HNF1B: variants seen among roughly 807,000 people sequenced by gnomAD.
The protein encoded by HNF1B is HNF1 homeobox B.
Under a neutral mutation model 61.7 loss-of-function variants are expected in HNF1B, and 8 were observed. The ratio of observed to expected loss-of-function variants is 0.13; its 90% CI spans 0.08 to 0.23. The LOEUF is 0.23. Ranked by LOEUF, HNF1B falls within the 10% of genes least tolerant of loss-of-function variation. The pLI is 1.00. For synonymous variants in HNF1B, 314 were observed against 287.7 expected (o/e 1.09, Z -0.93); for missense variants, 562 against 714.5 (o/e 0.79, Z 2.43).
intron 1 of HNF1B, among the ~76,000 whole-genome samples, chr17:37,742,265 C>T (rs1328647149): frequency 1.3e-5 from 2 of 152,244 alleles, no homozygotes; most frequent in East Asian, 1.9e-4. Context: ...TTTCTAGACG[C>T]CCCCGGCGCA....
intron 2 of HNF1B, among the ~76,000 whole-genome samples, chr17:37,737,830 G>A (rs896296943): frequency 1.1e-4 from 17 of 152,000 alleles, no homozygotes; most frequent in East Asian, 3.8e-4. Context: ...GCGAGACCCC[G>A]TCTCAAAAAG....
At chr17:37,713,576 C>T (rs1404805981) in intron 4 of HNF1B, among the ~76,000 whole-genome samples, 6 of 152,218 alleles carry the variant, frequency 3.9e-5, no homozygotes, top group Non-Finnish European at 7.3e-5. Flanking sequence ...GACCTTTGAA[C>T]GTTCCTTTAA....
At chr17:37,744,504 G>T (rs1270463861) in intron 1 of HNF1B, 37 bp downstream of exon 1, 1 of 1,592,782 alleles carries the variant, frequency 6.3e-7, no homozygotes, top group Non-Finnish European at 8.5e-7. Flanking sequence ...GGCTCCAGGG[G>T]TTCGGGTGGG....
At chr17:37,733,449 A>T in intron 3 of HNF1B, 108 bp downstream of exon 3, 1 of 1,265,058 alleles carries the variant, frequency 7.9e-7, no homozygotes, top group Non-Finnish European at 1.2e-6. Context: ...GCTCTGATTT[A>T]GCCACACTTA....
chr17:37,721,309 G>C (rs896092226), intron 4 of HNF1B, among the ~76,000 whole-genome samples: 1 of 152,140 alleles, frequency 6.6e-6, no homozygotes, highest in Non-Finnish European at 1.5e-5. Context: ...TTCCTGAAAC[G>C]GGGAAGGAGC....
intron 4 of HNF1B, among the ~76,000 whole-genome samples, chr17:37,727,561 T>C (rs1345077845): frequency 6.6e-5 from 10 of 152,126 alleles, no homozygotes; most frequent in East Asian, 5.8e-4. Flanking sequence ...TGGTGTGTGA[T>C]TGTAAAGCCA....
Position 37,720,412 on chromosome 17 carries a change from G to A in HNF1B, c.1046-9749C>T, listed in dbSNP as rs371938585. Among the ~76,000 whole-genome samples the A allele has an allele frequency of 8.5e-5, 13 of 152,136 alleles. No homozygotes were observed. The South Asian group carries it at 1.0e-3, about 12-fold the overall frequency. ...AAACTTTCTGGTAACATTAAATGTC[G>A]ACATTAATTTGTGAACTGTATACTT... On this transcript the variant is annotated intron_variant, in intron 4 of 8. Transcript: ENST00000617811.
intron 4 of HNF1B, chr17:37,720,688 G>T: frequency 1.6e-6 from 1 of 608,458 alleles, no homozygotes; most frequent in Non-Finnish European, 2.1e-6. Context: ...TCTACCATGT[G>T]CCAGGCACAG....
Position 37,696,222 on chromosome 17 carries a change from T to C in HNF1B, c.1653+2854A>G, listed in dbSNP as rs1216928225. 2.0e-5 allele frequency among the ~76,000 whole-genome samples: 3 copies of C among 152,074 alleles called. No individual in the cohort carries two copies. In the East Asian group the frequency reaches 5.8e-4, roughly 29 times the overall value. The stretch of plus-strand genomic sequence containing the variant: ...CACTTTGGGAGGCCAAGGCAGGCAG[T>C]TCACTTGAGCGCAGGAGTTTGAGAC... On this transcript the variant is annotated intron_variant, in intron 8 of 8. Coordinates refer to ENST00000617811, the MANE Select transcript of HNF1B (RefSeq NM_000458.4).
rs867521407 is a variant in HNF1B at position 37,716,001 on chromosome 17, A to G, written c.1046-5338T>C. On this transcript the variant is annotated intron_variant, in intron 4 of 8. Transcript: ENST00000617811. ...ACAAAAATTAGCTGGGTATGGTGGT[A>G]CGCGCATTAGCTAGGCATAGTGGTG... Among the ~76,000 whole-genome samples, 18 of 152,064 alleles carry G rather than the reference A, an allele frequency of 1.2e-4. 1 individual carries two copies. Among genetic ancestry groups the G allele is most frequent in the South Asian group, 6.2e-4 (3 of 4,810 alleles).
At chr17:37,742,411 T>C (rs2034021079) in intron 1 of HNF1B, among the ~76,000 whole-genome samples, 1 of 152,190 alleles carries the variant, frequency 6.6e-6, no homozygotes, top group African/African-American at 2.4e-5. Flanking sequence ...AACGCGACTT[T>C]TCTTTCTCTT....
chr17:37,700,624 G>A (rs546979531), intron 7 of HNF1B, among the ~76,000 whole-genome samples: 1 of 152,296 alleles, frequency 6.6e-6, no homozygotes, highest in South Asian at 2.1e-4. Context: ...AGGCTAAGTT[G>A]AAGTTCACTG....
At chr17:37,697,250 A>AT (rs1344437288) in intron 8 of HNF1B, among the ~76,000 whole-genome samples, 3 of 152,316 alleles carry the variant, frequency 2.0e-5, no homozygotes, top group Admixed American at 6.5e-5. Flanking sequence ...CCACGTGAGT[A>AT]TTTTTCATCC....
intron 1 of HNF1B, among the ~76,000 whole-genome samples, chr17:37,740,050 CA>C (rs2033949961): frequency 6.6e-6 from 1 of 152,080 alleles, no homozygotes; most frequent in Admixed American, 6.6e-5. Context: ...CTGCAACCTC[CA>C]CCAGGATCCT....
chr17:37,714,876 T>C (rs1424423037), intron 4 of HNF1B, among the ~76,000 whole-genome samples: 2 of 152,068 alleles, frequency 1.3e-5, no homozygotes, highest in African/African-American at 4.8e-5. Flanking sequence ...AGTCACACCA[T>C]GCCTCTGCTC....
At position 37,701,023 on chromosome 17, in the gene HNF1B, C is replaced by T. The variant is rs2032549588; in HGVS notation, c.1494G>A (p.Gln498=). The stretch of plus-strand genomic sequence containing the variant: ...GCTGAGTCACAGCTGCCATGAAGGG[C>T]TGCTGGGCCATGTGGCTGCCTGGGC... ...QQSPGSHMAQ[Q]PFMAAVTQLQ... is the part of the protein sequence containing the mutation. The change falls in exon 7 of 9, where the codon CAG becomes CAA. Residue 498 remains glutamine (Q), a synonymous_variant. Transcript: ENST00000617811. 1 of 1,557,964 alleles carries T rather than the reference C, an allele frequency of 6.4e-7. No individual in the cohort carries two copies. The highest frequency in any genetic ancestry group is 8.7e-7 in the Non-Finnish European group (1 of 1,150,312).
Position 37,686,728 on chromosome 17 carries a change from G to C in HNF1B, c.*644C>G. ...AGGGGCTTCACTTCCCACTTAGGAT[G>C]TTTCTCCATGAGGGGAGAGGGGACA... On this transcript the variant is annotated 3_prime_UTR_variant, in exon 9 of 9. Coordinates refer to ENST00000617811, the MANE Select transcript of HNF1B (RefSeq NM_000458.4). 5.8e-6 allele frequency: 1 copy of C among 173,828 alleles called. No homozygotes were observed. The highest frequency in any genetic ancestry group is 1.2e-4 in the South Asian group (1 of 8,054). 10.8% of individuals were successfully genotyped at this position (173,828 alleles called of 1,614,324 possible). A position where few individuals can be genotyped will look rare whatever the true frequency, so the allele number is the denominator to read the frequency against.
At chr17:37,709,147 G>A (rs992067036) in intron 5 of HNF1B, among the ~76,000 whole-genome samples, 13 of 152,202 alleles carry the variant, frequency 8.5e-5, no homozygotes, top group African/African-American at 2.9e-4. Context: ...TGCCAGTGTC[G>A]TAATGCTCCT....
intron 8 of HNF1B, 121 bp downstream of exon 8, chr17:37,698,955 A>G (rs2032473045): frequency 1.2e-6 from 1 of 820,604 alleles, no homozygotes; most frequent in Admixed American, 1.7e-5. Flanking sequence ...TTTGCAAACA[A>G]CAGGGAGCCT....
Sources: allele counts gnomAD v4.1 joint callset (sites outside exome capture counted in the v4.1 genomes callset), GRCh38; gene constraint gnomAD v4.1.1; transcripts MANE v1.5; gene names NCBI Gene and HGNC (gene_info 2026-07-23, HGNC 2026-07-21).